C9orf78: variants seen among roughly 807,000 people sequenced by gnomAD.
The protein encoded by C9orf78 is chromosome 9 open reading frame 78.
C9orf78 carries 19 observed loss-of-function variants against 37.4 expected under a neutral mutation model. The observed-to-expected ratio is 0.51, with a 90% CI of 0.35 to 0.74. The LOEUF is 0.74. C9orf78 is among the 30% of genes least tolerant of loss of function. The pLI, the probability that C9orf78 is intolerant of heterozygous loss-of-function variation, is 0.01. For synonymous variants in C9orf78, 130 were observed against 128.0 expected, an observed-to-expected ratio of 1.02 and a Z score of -0.10; for missense variants, 291 against 370.8, an observed-to-expected ratio of 0.78 and a Z score of 1.77.
chr9:129,828,228 G>T lies in C9orf78; in HGVS notation c.803C>A (p.Pro268His). The change falls in exon 9 of 9, where the codon CCT (proline) becomes CAT (histidine). Residue 268 changes from proline to histidine, a missense_variant. This residue lies in a region of C9orf78 where 120 missense variants were observed against 148.7 expected (regional missense o/e 0.81). Coordinates refer to ENST00000372447, the MANE Select transcript of C9orf78 (RefSeq NM_016520.3). ...PERSPPNRKR[P>H]ANEKATDDYH... is the part of the protein sequence containing the mutation. ...GTCATCAGTTGCCTTCTCGTTAGCA[G>T]GACGCTTGCGGTTAGGAGGGGACCC... 6.2e-7 allele frequency: 1 copy of T among 1,605,924 alleles called. No individual in the cohort carries two copies. Among genetic ancestry groups the T allele is most frequent in the Non-Finnish European group, 8.5e-7 (1 of 1,173,670 alleles).
chr9:129,834,897 G>A, intron 1 of C9orf78, 131 bp from the exon 2 acceptor site: 1 of 768,492 alleles, frequency 1.3e-6, no homozygotes, highest in South Asian at 1.6e-5. Context: ...CAGTGGTCCA[G>A]AGGACGACCT....
chr9:129,828,960 C>T (rs984740047), intron 8 of C9orf78: 2 of 590,688 alleles, frequency 3.4e-6, no homozygotes, highest in South Asian at 1.9e-5. Flanking sequence ...CTCTACTGTG[C>T]GTGAGAATAT....
At position 129,827,617 on chromosome 9, in the gene C9orf78, TAG is replaced by T. The variant is rs1320664987; in HGVS notation, c.*542_*543del. The T allele has an allele frequency of 6.6e-6, 1 of 152,310 alleles. No individual in the cohort carries two copies. The highest frequency in any genetic ancestry group is 1.5e-5 in the Non-Finnish European group (1 of 68,180). The allele number at this position is 152,310 out of a possible 1,614,324, so 9.4% of individuals were successfully genotyped here. On this transcript the variant is annotated 3_prime_UTR_variant, in exon 9 of 9. Coordinates refer to ENST00000372447, the MANE Select transcript of C9orf78 (RefSeq NM_016520.3). Reference sequence around the variant, plus strand: ...CAAGATTTAATAATGCTCACAAGAATAGAGTTTGCCCCCAAATGGAAAATTAC... The same window carrying T: ...CAAGATTTAATAATGCTCACAAGAATAGTTTGCCCCCAAATGGAAAATTAC...
At position 129,829,394 on chromosome 9, in the gene C9orf78, G is replaced by A. The variant is rs780612020; in HGVS notation, c.679+11C>T. 1.2e-5 allele frequency: 20 copies of A among 1,612,318 alleles called. No individual in the cohort carries two copies. In the African/African-American group the frequency reaches 1.5e-4, roughly 12 times the overall value. ...GGGAATGGGGGCAAGACTGCTCTCC[G>A]AGGGGCTTACATCTGTTGTGCTGCA... On this transcript the variant is annotated intron_variant, in intron 7 of 8. Coordinates refer to ENST00000372447, the MANE Select transcript of C9orf78 (RefSeq NM_016520.3).
In C9orf78 at chr9:129,831,886, T is replaced by A; in HGVS notation, c.344+10A>T. ...CCCAACTGCTCACAGCCAAACAGAC[T>A]GACACTTACATGTCTGCATCCTCAT... On this transcript the variant is annotated intron_variant, in intron 5 of 8. Coordinates refer to ENST00000372447, the MANE Select transcript of C9orf78 (RefSeq NM_016520.3). 1 of 1,460,340 alleles carries A rather than the reference T, an allele frequency of 6.8e-7. No homozygotes were observed. Among genetic ancestry groups the A allele is most frequent in the South Asian group, 1.1e-5 (1 of 88,080 alleles). The allele number at this position is 1,460,340 out of a possible 1,614,324, so 90.5% of individuals were successfully genotyped here.
chr9:129,831,323 T>G, intron 5 of C9orf78: 1 of 500,078 alleles, frequency 2.0e-6, no homozygotes, highest in Non-Finnish European at 3.6e-6. Context: ...AGTTTGCCAA[T>G]AGCTTTGTTG....
At chr9:129,831,157 A>G in intron 5 of C9orf78, 89 bp from the exon 6 acceptor site, 3 of 814,060 alleles carry the variant, frequency 3.7e-6, no homozygotes, top group Non-Finnish European at 6.6e-6. Context: ...ACTGGCCCGC[A>G]GACCAGTGAC....
Position 129,828,255 on chromosome 9 carries a change from G to T in C9orf78, c.779-3C>A. ...ACGCTTGCGGTTAGGAGGGGACCCT[G>T]AGAAGGAAAAGAACAGGAAAGGTGG... On this transcript the variant is annotated splice_polypyrimidine_tract_variant and splice_region_variant and intron_variant, in intron 8 of 8. Transcript: ENST00000372447. 6.4e-7 allele frequency: 1 copy of T among 1,573,936 alleles called. No homozygotes were observed. Among genetic ancestry groups the T allele is most frequent in the Non-Finnish European group, 8.7e-7 (1 of 1,144,830 alleles).
In C9orf78 at chr9:129,835,243, C is replaced by T. The variant is rs1157939020; in HGVS notation, c.-22G>A. 1.3e-6 allele frequency: 2 copies of T among 1,578,008 alleles called. No individual in the cohort carries two copies. The highest frequency in any genetic ancestry group is 1.7e-4 in the Middle Eastern group (1 of 5,966). ...GCATGGTGACAACGGCCGAGTTGTA[C>T]AGCCGCCGCGCCTCTGCGCAGCGGC... is the stretch of plus-strand genomic sequence containing the variant. On this transcript the variant is annotated 5_prime_UTR_variant, in exon 1 of 9. Coordinates refer to ENST00000372447, the MANE Select transcript of C9orf78 (RefSeq NM_016520.3).
At position 129,829,480 on chromosome 9, in the gene C9orf78, G is replaced by C. The variant is rs1171174651; in HGVS notation, c.604C>G (p.Gln202Glu). Reference protein sequence around the residue: ...DAKARLLAEQQNKKKDSETSF... With the variant: ...DAKARLLAEQENKKKDSETSF... ...GTCTCGCTGTCTTTCTTCTTGTTCT[G>C]CTGCTCTGCCAGCAGACGGGCCTTG... The change falls in exon 7 of 9, where the codon CAG becomes GAG. Residue 202 changes from glutamine (Q) to glutamate (E), a missense_variant. By Grantham distance (29) the Gln-to-Glu change is conservative. Around this residue, in one of 3 missense-constraint regions of C9orf78, gnomAD observed 120 missense variants for 148.7 expected, o/e 0.81. Coordinates refer to ENST00000372447, the MANE Select transcript of C9orf78 (RefSeq NM_016520.3). 1 of 1,613,728 alleles carries C rather than the reference G, an allele frequency of 6.2e-7. No homozygotes were observed. Among genetic ancestry groups the C allele is most frequent in the African/African-American group, 1.3e-5 (1 of 74,856 alleles).
chr9:129,833,748 G>GAA (rs1232767933), intron 2 of C9orf78, 39 bp from the exon 3 acceptor site: 2 of 1,473,732 alleles, frequency 1.4e-6, no homozygotes, highest in Admixed American at 1.8e-5. Context: ...GGGAGAGAGA[G>GAA]AAATGGCATA....
chr9:129,828,899 C>T, intron 8 of C9orf78: 1 of 445,612 alleles, frequency 2.2e-6, no homozygotes. Flanking sequence ...CCCAGCTAAC[C>T]TTATGAGTAG....
Position 129,829,307 on chromosome 9 carries a change from G to T in C9orf78, c.680-4C>A, listed in dbSNP as rs748285215. The T allele has an allele frequency of 7.3e-5, 117 of 1,601,990 alleles. No homozygotes were observed. The highest frequency in any genetic ancestry group is 9.7e-5 in the Non-Finnish European group (114 of 1,173,478). ...GCGTTGAGCTCCTCATGATAAACTGGACCCAAAGAGACCAGGGGACACGTT... is the reference window on the plus strand; with the variant it reads ...GCGTTGAGCTCCTCATGATAAACTGTACCCAAAGAGACCAGGGGACACGTT... On this transcript the variant is annotated splice_region_variant and splice_polypyrimidine_tract_variant and intron_variant, in intron 7 of 8. Transcript: ENST00000372447.
At chr9:129,832,582 G>A (rs2031528726) in intron 4 of C9orf78, among the ~76,000 whole-genome samples, 1 of 151,996 alleles carries the variant, frequency 6.6e-6, no homozygotes, top group African/African-American at 2.4e-5. Flanking sequence ...GGGATTACGG[G>A]TGCCCACCAC....
Position 129,828,098 on chromosome 9 carries a change from G to A in C9orf78, c.*63C>T. 2.0e-6 allele frequency: 2 copies of A among 990,580 alleles called. No homozygotes were observed. Among genetic ancestry groups the A allele is most frequent in the South Asian group, 2.6e-5 (2 of 78,178 alleles). 61.4% of individuals were successfully genotyped at this position (990,580 alleles called of 1,614,324 possible). On this transcript the variant is annotated 3_prime_UTR_variant, in exon 9 of 9. Transcript: ENST00000372447. ...AGGAGCCACCACGCCCGGCCAGGAA[G>A]CCATTTTTCATGGGAGGGATATAGG...
intron 4 of C9orf78, 122 bp downstream of exon 4, chr9:129,833,325 G>A: frequency 2.9e-6 from 2 of 681,180 alleles, no homozygotes; most frequent in South Asian, 1.7e-5. Context: ...CCTTTGCAAA[G>A]CACAAAACCT....
At chr9:129,834,429 T>C (rs1049602171) in intron 2 of C9orf78, 2 of 436,180 alleles carry the variant, frequency 4.6e-6, no homozygotes, top group South Asian at 8.4e-5. Flanking sequence ...TACAAACTCT[T>C]AACGATCGAT....
At position 129,833,511 on chromosome 9, in the gene C9orf78, G is replaced by C. The variant is rs779411568; in HGVS notation, c.202C>G (p.Pro68Ala). ...ATACCACCTGTCTTCATCTGAAAGGGATCATCCTGCAGAAAGCAAACACAG... is the reference window on the plus strand; with the variant it reads ...ATACCACCTGTCTTCATCTGAAAGGCATCATCCTGCAGAAAGCAAACACAG... ...VQEETTLVDD[P>A]FQMKTGGMVD... Residue 68 changes from proline to alanine, a missense_variant, in exon 4 of 9, where the codon CCC becomes GCC. Transcript: ENST00000372447. 6.2e-7 allele frequency: 1 copy of C among 1,601,770 alleles called. No homozygotes were observed. The highest frequency in any genetic ancestry group is 2.2e-5 in the East Asian group (1 of 44,824).
chr9:129,830,523 CTT>C, intron 6 of C9orf78: 2 of 260,022 alleles, frequency 7.7e-6, no homozygotes. Flanking sequence ...TTTTTTTTTC[CTT>C]TTTTTTTGAG....
Sources: gnomAD v4.1 joint callset for allele counts (sites outside exome capture counted in the v4.1 genomes callset) on GRCh38, gnomAD v4.1.1 for gene constraint, gnomAD v4.1.1 regional missense constraint, MANE v1.5 for transcripts, NCBI Gene and HGNC (gene_info 2026-07-23, HGNC 2026-07-21) for gene names.